TPD52L1: variants seen among roughly 807,000 people sequenced by gnomAD.
TPD52L1 encodes tumor protein D53.
TPD52L1 carries 18 observed loss-of-function variants against 28.7 expected under a neutral mutation model. That is an observed-to-expected ratio of 0.63 (90% confidence interval 0.43 to 0.93). The LOEUF is 0.93. Ranked by LOEUF, TPD52L1 falls within the 40% of genes least tolerant of loss-of-function variation. The pLI is 0.00. For synonymous variants in TPD52L1, 75 were observed against 88.8 expected, an observed-to-expected ratio of 0.84 and a Z score of 0.88; for missense variants, 203 against 254.8, an observed-to-expected ratio of 0.80 and a Z score of 1.39.
At chr6:125,185,330 A>G (rs1157802877) in intron 1 of TPD52L1, among the ~76,000 whole-genome samples, 1 of 152,186 alleles carries the variant, frequency 6.6e-6, no homozygotes, top group African/African-American at 2.4e-5. Flanking sequence ...ATAGAATTTC[A>G]TGTCCTTTCT....
At chr6:125,224,517 T>G (rs117074469) in intron 2 of TPD52L1, among the ~76,000 whole-genome samples, 139 of 151,072 alleles carry the variant, frequency 9.2e-4, no homozygotes, top group Non-Finnish European at 1.4e-3. Flanking sequence ...CTGAAGACCT[T>G]AACTCTTTCT....
chr6:125,254,257 A>G (rs1005037301), intron 5 of TPD52L1, among the ~76,000 whole-genome samples: 23 of 152,250 alleles, frequency 1.5e-4, no homozygotes, highest in Non-Finnish European at 3.1e-4. Flanking sequence ...ATAAAATGTC[A>G]GTATAATTAC....
chr6:125,241,737 G>A (rs769494329), intron 3 of TPD52L1, among the ~76,000 whole-genome samples: 2 of 151,592 alleles, frequency 1.3e-5, no homozygotes, highest in Non-Finnish European at 2.9e-5. Context: ...TCTTGCTAAT[G>A]GTCTATCAAT....
intron 1 of TPD52L1, chr6:125,154,565 C>T: frequency 1.0e-6 from 1 of 981,544 alleles, no homozygotes. Flanking sequence ...GGGGAGCGAC[C>T]TCTGCCTCCC....
intron 1 of TPD52L1, among the ~76,000 whole-genome samples, chr6:125,206,418 T>G (rs1794147463): frequency 6.6e-6 from 1 of 152,130 alleles, no homozygotes. Context: ...AAAAAATATT[T>G]TAGATCAAAT....
chr6:125,224,346 C>T (rs1407738344), intron 2 of TPD52L1, among the ~76,000 whole-genome samples: 7 of 152,190 alleles, frequency 4.6e-5, no homozygotes, highest in Non-Finnish European at 1.0e-4. Context: ...AGCCTATTTT[C>T]ATGCTCTCTC....
chr6:125,256,303 T>C (rs568788481), intron 5 of TPD52L1, among the ~76,000 whole-genome samples: 1 of 151,912 alleles, frequency 6.6e-6, no homozygotes, highest in East Asian at 1.9e-4. Flanking sequence ...TGAGTCAAGA[T>C]CAGTTCACTG....
chr6:125,242,215 T>C (rs189319022), intron 3 of TPD52L1, among the ~76,000 whole-genome samples: 1 of 152,228 alleles, frequency 6.6e-6, no homozygotes, highest in East Asian at 1.9e-4. Flanking sequence ...GCCTATCATA[T>C]GGTCTATCTT....
intron 1 of TPD52L1, among the ~76,000 whole-genome samples, chr6:125,190,906 C>T (rs1343003927): frequency 6.6e-6 from 1 of 152,206 alleles, no homozygotes; most frequent in Non-Finnish European, 1.5e-5. Flanking sequence ...GGCCTTGTTC[C>T]TAACCGCCTG....
At chr6:125,224,673 C>T (rs1795486604) in intron 2 of TPD52L1, among the ~76,000 whole-genome samples, 1 of 152,190 alleles carries the variant, frequency 6.6e-6, no homozygotes, top group African/African-American at 2.4e-5. Flanking sequence ...GCCACGTGCA[C>T]GTGAGACCAA....
At chr6:125,194,011 G>T (rs927343209) in intron 1 of TPD52L1, among the ~76,000 whole-genome samples, 2 of 141,522 alleles carry the variant, frequency 1.4e-5, no homozygotes, top group South Asian at 4.5e-4. Flanking sequence ...TTGTGGAAAA[G>T]TCTTCTGAAT....
intron 4 of TPD52L1, among the ~76,000 whole-genome samples, chr6:125,250,528 A>G (rs937154632): frequency 6.6e-6 from 1 of 152,236 alleles, no homozygotes; most frequent in Admixed American, 6.5e-5. Flanking sequence ...GCAGTTTTTT[A>G]TCTTTAAGTG....
intron 1 of TPD52L1, among the ~76,000 whole-genome samples, chr6:125,210,806 A>G (rs578008938): frequency 3.4e-4 from 52 of 152,282 alleles, no homozygotes; most frequent in African/African-American, 1.3e-3. Context: ...ATCTCTCACA[A>G]TTTATTCTTG....
chr6:125,198,032 G>A (rs972648383), intron 1 of TPD52L1, among the ~76,000 whole-genome samples: 1 of 152,208 alleles, frequency 6.6e-6, no homozygotes, highest in Admixed American at 6.5e-5. Context: ...CACAGTCAAA[G>A]CCCTACCAGG....
At chr6:125,159,510 A>T (rs1790368304) in intron 1 of TPD52L1, among the ~76,000 whole-genome samples, 1 of 152,178 alleles carries the variant, frequency 6.6e-6, no homozygotes, top group South Asian at 2.1e-4. Context: ...CCTCAAACTC[A>T]TTCAGGAGGG....
intron 1 of TPD52L1, among the ~76,000 whole-genome samples, chr6:125,210,569 A>G (rs1794425685): frequency 1.8e-5 from 2 of 113,200 alleles, no homozygotes; most frequent in South Asian, 6.5e-4. Context: ...ACAGACTGCC[A>G]TGTACTGGTG....
intron 3 of TPD52L1, among the ~76,000 whole-genome samples, chr6:125,237,651 A>G (rs945910976): frequency 1.3e-5 from 2 of 152,258 alleles, no homozygotes; most frequent in Middle Eastern, 3.4e-3. Flanking sequence ...TTTCATCAGC[A>G]TATAATACTG....
At chr6:125,193,840 C>T (rs1376257062) in intron 1 of TPD52L1, among the ~76,000 whole-genome samples, 1 of 152,106 alleles carries the variant, frequency 6.6e-6, no homozygotes, top group Non-Finnish European at 1.5e-5. Flanking sequence ...TGCTAGGAGC[C>T]TTGCAGAGTG....
At chr6:125,216,533 A>G (rs1376536211) in intron 1 of TPD52L1, among the ~76,000 whole-genome samples, 210 of 15,124 alleles carry the variant, frequency 0.014, 1 homozygote, top group Non-Finnish European at 0.041. Flanking sequence ...GTGTGTGTAT[A>G]TATATATATA....
Sources: gnomAD v4.1 joint callset for allele counts (sites outside exome capture counted in the v4.1 genomes callset) on GRCh38, gnomAD v4.1.1 for gene constraint, MANE v1.5 for transcripts, NCBI Gene and HGNC (gene_info 2026-07-23, HGNC 2026-07-21) for gene names.